Variants in DNAH11 observed in about 807,000 individuals in gnomAD.
DNAH11 encodes axonemal beta dynein heavy chain 11.
In DNAH11, 442 loss-of-function variants were observed where a neutral mutation model predicts 526.0. The observed-to-expected ratio is 0.84, with a 90% CI of 0.78 to 0.91. DNAH11 has a LOEUF of 0.91. DNAH11 is among the 40% of genes least tolerant of loss of function. The pLI is 0.00. For missense variants in DNAH11, 6,989 were observed against 5,448.7 expected (o/e 1.28, Z -8.90); for synonymous variants, 2,461 against 1,935.9 (o/e 1.27, Z -7.12).
chr7:21,818,124 T>C, intron 64 of DNAH11, 93 bp from the exon 65 acceptor site: 1 of 1,277,270 alleles, frequency 7.8e-7, no homozygotes, highest in Non-Finnish European at 1.1e-6. Flanking sequence ...CCATTTAGAA[T>C]ATCTACATTA....
chr7:21,575,610 C>G (rs1784060479), intron 8 of DNAH11, among the ~76,000 whole-genome samples: 1 of 152,130 alleles, frequency 6.6e-6, no homozygotes, highest in Admixed American at 6.5e-5. Context: ...AGCAACCTTC[C>G]TTAGTAATTC....
rs192515447 is a variant in DNAH11, at chr7:21,635,990, G to A, written c.4620G>A (p.Gln1540=). The stretch of plus-strand genomic sequence containing the variant: ...TCATCTTCACTTGGATGGAAGTCCA[G>A]CGAACTTGGTCTCACCTGGAAAGCA... ...DLVIFTWMEV[Q]RTWSHLESIF... Residue 1540 remains glutamine, a synonymous_variant, in exon 26 of 82, where the codon CAG becomes CAA. Coordinates refer to ENST00000409508, the MANE Select transcript of DNAH11 (RefSeq NM_001277115.2). 194 of 1,613,730 alleles carry A rather than the reference G, an allele frequency of 1.2e-4. 1 individual carries two copies. Among genetic ancestry groups the A allele is most frequent in the Middle Eastern group, 9.9e-4 (6 of 6,062 alleles).
At chr7:21,732,717 G>A (rs1299701201) in intron 45 of DNAH11, among the ~76,000 whole-genome samples, 1 of 152,202 alleles carries the variant, frequency 6.6e-6, no homozygotes, top group Non-Finnish European at 1.5e-5. Context: ...ACCAAGGATT[G>A]TGATCATCCC....
chr7:21,741,326 C>T (rs1450433220), intron 48 of DNAH11, among the ~76,000 whole-genome samples: 1 of 152,188 alleles, frequency 6.6e-6, no homozygotes, highest in African/African-American at 2.4e-5. Context: ...ATGAATGCAT[C>T]ACAGCTTGTT....
rs373946181 is a variant in DNAH11, at chr7:21,705,497, C to A, written c.6506C>A (p.Ser2169Ter). ...GAGGAACTGTTGGCTGTGCGGCACT[C>A]GGTCTTTGTAGTTGGAAATGCAGGC... ...QLEELLAVRHSVFVVGNAGTG... is the reference protein window; with the variant it reads ...QLEELLAVRH The change falls in exon 39 of 82, where the codon TCG becomes TAG. Residue 2169 changes from serine to a stop codon, truncating the protein, a stop_gained. Transcript: ENST00000409508. LOFTEE classifies it high-confidence loss of function. 4 of 1,613,620 alleles carry A rather than the reference C, an allele frequency of 2.5e-6. No individual in the cohort carries two copies. Among genetic ancestry groups the A allele is most frequent in the Non-Finnish European group, 2.5e-6 (3 of 1,179,692 alleles).
intron 44 of DNAH11, among the ~76,000 whole-genome samples, chr7:21,722,354 A>C (rs1784913047): frequency 6.6e-6 from 1 of 152,078 alleles, no homozygotes; most frequent in Admixed American, 6.5e-5. Context: ...TTCTATGGGT[A>C]CCCCTGAATT....
chr7:21,551,494 C>A (rs1038237833), intron 2 of DNAH11, among the ~76,000 whole-genome samples: 2 of 152,176 alleles, frequency 1.3e-5, no homozygotes, highest in Non-Finnish European at 2.9e-5. Flanking sequence ...TGTACCACCC[C>A]ACAGGCATAT....
intron 28 of DNAH11, among the ~76,000 whole-genome samples, chr7:21,652,496 A>G (rs143503279): frequency 5.2e-4 from 79 of 152,354 alleles, no homozygotes; most frequent in Middle Eastern, 3.4e-3. Context: ...TCTGCAACGA[A>G]GACTGTTTAG....
chr7:21,774,082 C>T lies in DNAH11; in HGVS notation c.9336+83C>T, dbSNP rs1032126071. On this transcript the variant is annotated intron_variant, in intron 56 of 81. Coordinates refer to ENST00000409508, the MANE Select transcript of DNAH11 (RefSeq NM_001277115.2). ...ATTTCCTTTTGAAGCACTACTAAAT[C>T]CATTTCTATAAGATGCCAGCTGGTG... 4.1e-5 allele frequency: 51 copies of T among 1,234,708 alleles called. No homozygotes were observed. In the Admixed American group the frequency reaches 4.3e-4, roughly 10 times the overall value. The allele number at this position is 1,234,708 out of a possible 1,614,324, so 76.5% of individuals were successfully genotyped here.
chr7:21,823,658 A>G (rs927186296), intron 65 of DNAH11, among the ~76,000 whole-genome samples: 2 of 152,158 alleles, frequency 1.3e-5, no homozygotes, highest in Non-Finnish European at 2.9e-5. Flanking sequence ...TAAGAATCAT[A>G]TACTATATGC....
At chr7:21,763,836 A>G (rs1374349969) in intron 54 of DNAH11, among the ~76,000 whole-genome samples, 1 of 150,526 alleles carries the variant, frequency 6.6e-6, no homozygotes, top group Non-Finnish European at 1.5e-5. Flanking sequence ...ATATATATAT[A>G]CACACACAAT....
intron 42 of DNAH11, among the ~76,000 whole-genome samples, chr7:21,712,692 T>TA (rs1784506768): frequency 1.3e-5 from 2 of 152,352 alleles, no homozygotes; most frequent in African/African-American, 4.8e-5. Context: ...TCATGTAAGT[T>TA]CTTTAAGTTC....
At chr7:21,654,539 G>A (rs924148484) in intron 28 of DNAH11, among the ~76,000 whole-genome samples, 3 of 152,072 alleles carry the variant, frequency 2.0e-5, no homozygotes, top group Non-Finnish European at 4.4e-5. Context: ...ATAATGCTTC[G>A]ATGAACAGAG....
intron 8 of DNAH11, among the ~76,000 whole-genome samples, chr7:21,573,382 C>T (rs1279144850): frequency 2.0e-4 from 30 of 152,304 alleles, no homozygotes; most frequent in Admixed American, 2.0e-3. Context: ...TTCCCTTCAT[C>T]CTCCTGTCTG....
intron 66 of DNAH11, among the ~76,000 whole-genome samples, chr7:21,851,843 C>T (rs1027700977): frequency 3.3e-5 from 5 of 152,128 alleles, no homozygotes; most frequent in Middle Eastern, 3.4e-3. Context: ...ATTTTGAGAA[C>T]GGAAATGAGA....
chr7:21,846,342 T>C (rs1024807506), intron 66 of DNAH11, among the ~76,000 whole-genome samples: 2 of 152,220 alleles, frequency 1.3e-5, no homozygotes, highest in African/African-American at 2.4e-5. Flanking sequence ...TTAAGTACAA[T>C]GTAAGCTATG....
At chr7:21,750,467 A>C in intron 54 of DNAH11, 103 bp downstream of exon 54, 4 of 1,450,190 alleles carry the variant, frequency 2.8e-6, no homozygotes, top group Non-Finnish European at 3.7e-6. Flanking sequence ...TCAGTCATGC[A>C]TTTTGAAAGG....
At chr7:21,645,745 CAGATATCTAAATCAGATATCTAAAAATT>C (rs1787327710) in intron 28 of DNAH11, among the ~76,000 whole-genome samples, 1 of 149,426 alleles carries the variant, frequency 6.7e-6, no homozygotes, top group Non-Finnish European at 1.5e-5. Flanking sequence ...ATCTAAAAAT[CAGATATCTAAATCAGATATCTAAAAATT>C]AGATATCTAC....
chr7:21,806,218 G>C lies in DNAH11; in HGVS notation c.10166-1665G>C, dbSNP rs1583716572. Among the ~76,000 whole-genome samples the C allele has an allele frequency of 2.6e-5, 4 of 152,312 alleles. No individual in the cohort carries two copies. In the South Asian group the frequency reaches 8.3e-4, roughly 32 times the overall value. The stretch of plus-strand genomic sequence containing the variant: ...CGATTTCGATAGCCAATCAGTCTAT[G>C]TTTAGTGAATCTTCAAATCTCAAAG... On this transcript the variant is annotated intron_variant, in intron 62 of 81. Coordinates refer to ENST00000409508, the MANE Select transcript of DNAH11 (RefSeq NM_001277115.2).
Sources: gnomAD v4.1 joint callset for allele counts (sites outside exome capture counted in the v4.1 genomes callset) on GRCh38, gnomAD v4.1.1 for gene constraint, MANE v1.5 for transcripts, NCBI Gene and HGNC (gene_info 2026-07-23, HGNC 2026-07-21) for gene names.